ABCF2: variants seen among roughly 807,000 people sequenced by gnomAD.
ABCF2 encodes the protein ATP-binding cassette sub-family F member 2.
Under a neutral mutation model 76.9 loss-of-function variants are expected in ABCF2, and 37 were observed. The observed-to-expected ratio is 0.48, with a 90% CI of 0.37 to 0.63. The LOEUF (loss-of-function observed/expected upper bound fraction) is 0.63. Among genes scored for constraint, ABCF2 ranks in the 30% least tolerant of loss-of-function variants. The pLI, the probability that ABCF2 is intolerant of heterozygous loss-of-function variation, is 0.00. For synonymous variants in ABCF2, 299 were observed against 283.7 expected (o/e 1.05, Z -0.54); for missense variants, 524 against 782.1 (o/e 0.67, Z 3.94).
In ABCF2 at chr7:151,211,596, G is replaced by A; in HGVS notation, c.*2458C>T. 1 of 985,218 alleles carries A rather than the reference G, an allele frequency of 1.0e-6. No individual in the cohort carries two copies. Among genetic ancestry groups the A allele is most frequent in the Non-Finnish European group, 1.2e-6 (1 of 829,806 alleles). The allele number at this position is 985,218 out of a possible 1,614,324, so 61.0% of individuals were successfully genotyped here. On this transcript the variant is annotated 3_prime_UTR_variant, in exon 15 of 15. Transcript: ENST00000287844. ...GACTATTTCCATTCCTCCAGGTTCT[G>A]AAGATCTCCTGTCCTAGTATGGAGA... is the stretch of plus-strand genomic sequence containing the variant.
Position 151,213,620 on chromosome 7 carries a change from T to G in ABCF2, c.*434A>C. The G allele has an allele frequency of 5.0e-6, 5 of 996,072 alleles. No individual in the cohort carries two copies. The South Asian group carries it at 2.3e-4, about 45-fold the overall frequency. The allele number at this position is 996,072 out of a possible 1,614,324, so 61.7% of individuals were successfully genotyped here. A position where few individuals can be genotyped will look rare whatever the true frequency, so the allele number is the denominator to read the frequency against. On this transcript the variant is annotated 3_prime_UTR_variant, in exon 15 of 15. Transcript: ENST00000287844. The stretch of plus-strand genomic sequence containing the variant: ...CAGGACGAAGGTCCTGGTCCGGAGC[T>G]CCAAACCAGAAGCAAAAAGGAATCG...
chr7:151,226,308 TG>T lies in ABCF2; in HGVS notation c.150del (p.Thr51GlnfsTer3). The T allele has an allele frequency of 6.2e-7, 1 of 1,613,762 alleles. No individual in the cohort carries two copies. The highest frequency in any genetic ancestry group is 8.5e-7 in the Non-Finnish European group (1 of 1,179,816). ...ACTCACCCCTCCCTCAATTCACCTG[TG>T]GTCTCTCTGCCATTGGCCTCATTCT... ...AEKNEANGRE[T>X]TEVDLLTKEL... On this transcript the variant is annotated frameshift_variant, in exon 2 of 15. Coordinates refer to ENST00000287844, the MANE Select transcript of ABCF2 (RefSeq NM_007189.3). LOFTEE classifies it high-confidence loss of function.
At chr7:151,220,387 C>CA (rs10706364) in intron 7 of ABCF2, among the ~76,000 whole-genome samples, 9,058 of 82,354 alleles carry the variant, frequency 0.11, 660 homozygotes, top group African/African-American at 0.14. Flanking sequence ...GACTCCAGCT[C>CA]AAAAAAAAAA....
Position 151,223,848 on chromosome 7 carries a change from C to T in ABCF2, c.552G>A (p.Ala184=), listed in dbSNP as rs150141609. The change falls in exon 5 of 15, where the codon GCG becomes GCA. Residue 184 remains alanine, a splice_region_variant and synonymous_variant. Transcript: ENST00000287844. ...KEAERLAHED[A]ECEKLMELYE... is the part of the protein sequence containing the mutation. ...AGAGCTCCATGAGCTTCTCACACTC[C>T]GCTGTGGACAGTGTATGGCCATGAG... 19 of 1,611,062 alleles carry T rather than the reference C, an allele frequency of 1.2e-5. No homozygotes were observed. The African/African-American group carries it at 1.2e-4, about 10-fold the overall frequency.
intron 1 of ABCF2, chr7:151,226,802 C>A (rs1802382466): frequency 5.0e-6 from 1 of 200,052 alleles, no homozygotes; most frequent in Admixed American, 6.0e-5. Context: ...CAGCGGAGGT[C>A]TCCGTCTCCG....
chr7:151,216,485 T>C (rs1016242599), intron 11 of ABCF2, among the ~76,000 whole-genome samples: 2 of 152,176 alleles, frequency 1.3e-5, no homozygotes, highest in East Asian at 3.8e-4. Flanking sequence ...TGCAGCATTT[T>C]TGGTCACAAA....
intron 7 of ABCF2, among the ~76,000 whole-genome samples, chr7:151,219,722 T>C (rs1802228870): frequency 1.3e-5 from 2 of 152,382 alleles, no homozygotes; most frequent in Middle Eastern, 3.4e-3. Flanking sequence ...CTGAAAAGAT[T>C]GTGATTGATT....
At position 151,215,480 on chromosome 7, in the gene ABCF2, T is replaced by G; in HGVS notation, c.1530+124A>C. On this transcript the variant is annotated intron_variant, in intron 13 of 14. Coordinates refer to ENST00000287844, the MANE Select transcript of ABCF2 (RefSeq NM_007189.3). The surrounding 1 kb of genome is among the most constrained non-coding windows in gnomAD (Gnocchi z 4.6). ...AAAAGGTAGTAGGTTCTTAGGGGAGTCAAATGGAGGAGACTCTGGTTTGGA... is the reference window on the plus strand; with the variant it reads ...AAAAGGTAGTAGGTTCTTAGGGGAGGCAAATGGAGGAGACTCTGGTTTGGA... The G allele has an allele frequency of 2.5e-6, 3 of 1,223,702 alleles. No homozygotes were observed. Among genetic ancestry groups the G allele is most frequent in the Non-Finnish European group, 3.4e-6 (3 of 870,016 alleles). 75.8% of individuals were successfully genotyped at this position (1,223,702 alleles called of 1,614,324 possible). A position where few individuals can be genotyped will look rare whatever the true frequency, so the allele number is the denominator to read the frequency against.
chr7:151,212,548 G>A lies in ABCF2; in HGVS notation c.*1506C>T. 4.2e-6 allele frequency: 4 copies of A among 960,070 alleles called. No individual in the cohort carries two copies. Among genetic ancestry groups the A allele is most frequent in the Non-Finnish European group, 5.0e-6 (4 of 806,862 alleles). 59.5% of individuals were successfully genotyped at this position (960,070 alleles called of 1,614,324 possible). On this transcript the variant is annotated 3_prime_UTR_variant, in exon 15 of 15. Coordinates refer to ENST00000287844, the MANE Select transcript of ABCF2 (RefSeq NM_007189.3). The stretch of plus-strand genomic sequence containing the variant: ...AGTGTCTCGGTCTGTCATCAGGCTG[G>A]AGTGTAGCGGCACGCTCTGCTCACT...
chr7:151,219,226 A>ATC (rs1251800519), intron 7 of ABCF2, 67 bp from the exon 8 acceptor site: 1 of 1,401,964 alleles, frequency 7.1e-7, no homozygotes, highest in East Asian at 2.3e-5. Context: ...ATTCTCACTC[A>ATC]GAGTTTAGGG....
Position 151,215,554 on chromosome 7 carries a change from CCA to C in ABCF2, c.1530+48_1530+49del, listed in dbSNP as rs765330046. On this transcript the variant is annotated intron_variant, in intron 13 of 14. Coordinates refer to ENST00000287844, the MANE Select transcript of ABCF2 (RefSeq NM_007189.3). This position sits in a 1 kb window ranked among gnomAD's most constrained non-coding sequence, Gnocchi z 4.6. ...GGACAGTATCCCCTGACCCACCCAG[CCA>C]CAGTCTGCCAGCTATCTGGCATCCT... 4 of 1,608,274 alleles carry C rather than the reference CCA, an allele frequency of 2.5e-6. No homozygotes were observed. The highest frequency in any genetic ancestry group is 1.3e-5 in the African/African-American group (1 of 74,988).
chr7:151,226,224 C>G (rs867134042), intron 2 of ABCF2, 81 bp downstream of exon 2: 2 of 1,484,274 alleles, frequency 1.3e-6, no homozygotes, highest in Middle Eastern at 1.8e-4. Flanking sequence ...TCCACTACCC[C>G]CAGCATCAAG....
intron 5 of ABCF2, 151 bp downstream of exon 5, chr7:151,223,527 C>T: frequency 1.1e-6 from 1 of 878,800 alleles, no homozygotes; most frequent in South Asian, 1.9e-5. Context: ...TCTCTCTAGC[C>T]CATACACAAC....
intron 11 of ABCF2, among the ~76,000 whole-genome samples, chr7:151,216,744 T>C (rs111401380): frequency 2.0e-5 from 3 of 152,180 alleles, no homozygotes; most frequent in African/African-American, 4.8e-5. Flanking sequence ...ACACTCCTGA[T>C]CTCAAGTGAT....
Position 151,215,449 on chromosome 7 carries a change from G to A in ABCF2, c.1530+155C>T, listed in dbSNP as rs751512022. The stretch of plus-strand genomic sequence containing the variant: ...ATGCTCCATTACATAACAACCTAGA[G>A]TAAAGAAAAGGTAGTAGGTTCTTAG... On this transcript the variant is annotated intron_variant, in intron 13 of 14. Transcript: ENST00000287844. The surrounding 1 kb of genome is among the most constrained non-coding windows in gnomAD (Gnocchi z 4.6). 2.6e-4 allele frequency among the ~76,000 whole-genome samples: 39 copies of A among 152,124 alleles called. No individual in the cohort carries two copies. The highest frequency in any genetic ancestry group is 4.3e-4 in the Non-Finnish European group (29 of 68,040).
At position 151,212,006 on chromosome 7, in the gene ABCF2, T is replaced by G. The variant is rs1332424283; in HGVS notation, c.*2048A>C. On this transcript the variant is annotated 3_prime_UTR_variant, in exon 15 of 15. Transcript: ENST00000287844. Reference sequence around the variant, plus strand: ...TTCTGGGCAGCTACTCACAAGAAATTTCCCTCCTTTTTGAATACTTCTGTC... The same window carrying G: ...TTCTGGGCAGCTACTCACAAGAAATGTCCCTCCTTTTTGAATACTTCTGTC... 2 of 964,542 alleles carry G rather than the reference T, an allele frequency of 2.1e-6. No homozygotes were observed. Among genetic ancestry groups the G allele is most frequent in the Non-Finnish European group, 2.5e-6 (2 of 811,088 alleles). The allele number at this position is 964,542 out of a possible 1,614,324, so 59.7% of individuals were successfully genotyped here. A position where few individuals can be genotyped will look rare whatever the true frequency, so the allele number is the denominator to read the frequency against.
rs1190130987 is a variant in ABCF2, at chr7:151,224,791, C to T, written c.352G>A (p.Gly118Ser). The change falls in exon 3 of 15, where the codon GGT (glycine) becomes AGT (serine). Residue 118 changes from glycine (G) to serine (S), a missense_variant. This residue lies in a region of ABCF2 where 330 missense variants were observed against 433.6 expected (regional missense o/e 0.76). Coordinates refer to ENST00000287844, the MANE Select transcript of ABCF2 (RefSeq NM_007189.3). ...AAGGCCTCACCAATTCCATTTAAACCAATGAGGCCATAACGACGGCCTGAG... is the reference window on the plus strand; with the variant it reads ...AAGGCCTCACCAATTCCATTTAAACTAATGAGGCCATAACGACGGCCTGAG... ...LNSGRRYGLIGLNGIGKSMLL... is the reference protein window; with the variant it reads ...LNSGRRYGLISLNGIGKSMLL... 2 of 1,614,096 alleles carry T rather than the reference C, an allele frequency of 1.2e-6. No individual in the cohort carries two copies. Among genetic ancestry groups the T allele is most frequent in the South Asian group, 1.1e-5 (1 of 91,074 alleles).
intron 3 of ABCF2, 85 bp from the exon 4 acceptor site, chr7:151,224,199 G>T: frequency 7.1e-7 from 1 of 1,404,736 alleles, no homozygotes. Flanking sequence ...AGTCAAACTG[G>T]GACCTCATCC....
chr7:151,220,505 C>A (rs1425304222), intron 7 of ABCF2, among the ~76,000 whole-genome samples: 5 of 151,048 alleles, frequency 3.3e-5, no homozygotes, highest in Non-Finnish European at 7.4e-5. Context: ...ATATTATAAA[C>A]TAATACTCCT....
Sources: allele counts gnomAD v4.1 joint callset (sites outside exome capture counted in the v4.1 genomes callset), GRCh38; gene constraint gnomAD v4.1.1; regional missense constraint gnomAD v4.1.1; non-coding constraint Gnocchi (gnomAD v3.1); transcripts MANE v1.5; gene names NCBI Gene and HGNC (gene_info 2026-07-23, HGNC 2026-07-21).